MSH4: variants seen among roughly 807,000 people sequenced by gnomAD.
MSH4 encodes the protein mutS homolog 4.
In MSH4, 106 loss-of-function variants were observed where a neutral mutation model predicts 113.7. The ratio of observed to expected loss-of-function variants is 0.93; its 90% CI spans 0.80 to 1.10. MSH4 has a LOEUF of 1.10. MSH4 is among the 50% of genes least tolerant of loss of function. MSH4 has a pLI of 0.00. For synonymous variants in MSH4, 368 were observed against 380.2 expected (o/e 0.97, Z 0.37); for missense variants, 1,061 against 1,093.7 (o/e 0.97, Z 0.42).
chr1:75,797,364 A>T, intron 1 of MSH4, 135 bp downstream of exon 1: 5 of 1,246,316 alleles, frequency 4.0e-6, no homozygotes, highest in Non-Finnish European at 4.3e-6. Context: ...GTGCCCTGGG[A>T]ATTTGGTGAG....
At chr1:75,804,913 T>C (rs1384488932) in intron 2 of MSH4, among the ~76,000 whole-genome samples, 1 of 152,016 alleles carries the variant, frequency 6.6e-6, no homozygotes, top group African/African-American at 2.4e-5. Context: ...CTGTAACCTC[T>C]GCCTCCTGGA....
chr1:75,836,549 T>A (rs1408472505), intron 7 of MSH4, among the ~76,000 whole-genome samples: 2 of 152,144 alleles, frequency 1.3e-5, no homozygotes, highest in Non-Finnish European at 2.9e-5. Context: ...GGCACATAAA[T>A]CCTTGCCTCA....
intron 18 of MSH4, 28 bp downstream of exon 18, chr1:75,898,109 C>T (rs762583024): frequency 3.6e-6 from 5 of 1,381,150 alleles, no homozygotes; most frequent in South Asian, 1.7e-5. Context: ...TATACCTATA[C>T]ATTCAAATAC....
intron 18 of MSH4, 80 bp from the exon 19 acceptor site, chr1:75,899,538 A>G: frequency 1.4e-6 from 1 of 714,592 alleles, no homozygotes; most frequent in Non-Finnish European, 2.2e-6. Context: ...CTGTGACTAA[A>G]AGATTAATAC....
In MSH4 at chr1:75,816,399, C is replaced by T. The variant is rs766562265; in HGVS notation, c.842C>T (p.Ala281Val). The change falls in exon 6 of 20, where the codon GCT becomes GTT. Residue 281 changes from alanine to valine, a missense_variant. Coordinates refer to ENST00000263187, the MANE Select transcript of MSH4 (RefSeq NM_002440.4). The stretch of plus-strand genomic sequence containing the variant: ...TATTACTGCCTTGCAGCTGTTGCAG[C>T]TTTGTTAAAATATGTTGAATTTATT... ...SKYYCLAAVAALLKYVEFIQN... is the reference protein window; with the variant it reads ...SKYYCLAAVAVLLKYVEFIQN... 11 of 1,605,070 alleles carry T rather than the reference C, an allele frequency of 6.9e-6. No individual in the cohort carries two copies. The highest frequency in any genetic ancestry group is 5.1e-6 in the Non-Finnish European group (6 of 1,174,646).
At chr1:75,852,023 C>T (rs1570967375) in intron 8 of MSH4, among the ~76,000 whole-genome samples, 1 of 152,136 alleles carries the variant, frequency 6.6e-6, no homozygotes, top group Non-Finnish European at 1.5e-5. Flanking sequence ...CTAGCAATAA[C>T]TTCCCATTCC....
intron 6 of MSH4, among the ~76,000 whole-genome samples, chr1:75,820,209 G>T (rs535224181): frequency 6.6e-6 from 1 of 152,260 alleles, no homozygotes; most frequent in South Asian, 2.1e-4. Context: ...CTTTATATTA[G>T]TGTGAATATT....
At chr1:75,878,524 CCAA>C (rs1361165059) in intron 11 of MSH4, among the ~76,000 whole-genome samples, 3 of 152,138 alleles carry the variant, frequency 2.0e-5, no homozygotes, top group Non-Finnish European at 4.4e-5. Flanking sequence ...CCTTCCATTG[CCAA>C]GTGCAATAGC....
chr1:75,803,553 G>A (rs979083853), intron 1 of MSH4, among the ~76,000 whole-genome samples, 178 bp from the exon 2 acceptor site: 2 of 152,022 alleles, frequency 1.3e-5, no homozygotes, highest in African/African-American at 2.4e-5. Flanking sequence ...GGAGGTGGAC[G>A]TTGCAGTGAG....
At chr1:75,851,410 T>A (rs566796851) in intron 8 of MSH4, among the ~76,000 whole-genome samples, 2 of 152,248 alleles carry the variant, frequency 1.3e-5, no homozygotes, top group East Asian at 3.9e-4. Context: ...CATTTTTGTT[T>A]ATTTTTTATT....
intron 7 of MSH4, among the ~76,000 whole-genome samples, chr1:75,842,984 A>G (rs906785873): frequency 2.0e-5 from 3 of 152,224 alleles, no homozygotes; most frequent in Non-Finnish European, 2.9e-5. Flanking sequence ...CATCCTGTAC[A>G]CCTGGCTCTG....
Position 75,815,080 on chromosome 1 carries a change from C to T in MSH4, c.759C>T (p.Tyr253=), listed in dbSNP as rs767927137. The T allele has an allele frequency of 1.6e-5, 26 of 1,607,402 alleles. No homozygotes were observed. The Admixed American group carries it at 4.3e-4, about 26-fold the overall frequency. The part of the protein sequence containing the change: ...KYFNETKGLE[Y]IEQLCIAEFS... Reference sequence around the variant, plus strand: ...TCAATGAAACAAAAGGATTAGAGTACATTGAACAGTTATGCATAGCAGAAT... The same window carrying T: ...TCAATGAAACAAAAGGATTAGAGTATATTGAACAGTTATGCATAGCAGAAT... Residue 253 remains tyrosine, a synonymous_variant, in exon 5 of 20, where the codon TAC becomes TAT. Transcript: ENST00000263187.
At chr1:75,852,574 CT>C (rs1651212550) in intron 8 of MSH4, among the ~76,000 whole-genome samples, 1 of 152,148 alleles carries the variant, frequency 6.6e-6, no homozygotes, top group East Asian at 1.9e-4. Flanking sequence ...TCTGGTGAGC[CT>C]GTCGGGTGTC....
chr1:75,853,239 ATTT>A (rs1405146550), intron 8 of MSH4, among the ~76,000 whole-genome samples: 2 of 151,924 alleles, frequency 1.3e-5, no homozygotes, highest in Non-Finnish European at 2.9e-5. Context: ...TAATTTTTGT[ATTT>A]TTAGTAGAAA....
chr1:75,858,542 G>C (rs987273617), intron 8 of MSH4, among the ~76,000 whole-genome samples: 3 of 152,148 alleles, frequency 2.0e-5, no homozygotes, highest in Admixed American at 6.6e-5. Context: ...TTTGTCGTTG[G>C]TTCTGTTTTT....
chr1:75,832,832 C>G (rs1295711242), intron 7 of MSH4, among the ~76,000 whole-genome samples: 1 of 152,124 alleles, frequency 6.6e-6, no homozygotes. Context: ...CAATATCATA[C>G]TGAATGGGCA....
At chr1:75,881,560 T>C (rs1175446030) in intron 14 of MSH4, among the ~76,000 whole-genome samples, 190 bp downstream of exon 14, 1 of 152,034 alleles carries the variant, frequency 6.6e-6, no homozygotes, top group Non-Finnish European at 1.5e-5. Context: ...GTAAAAATTA[T>C]TCTCTCAGAA....
At chr1:75,819,150 C>G (rs2100517451) in intron 6 of MSH4, among the ~76,000 whole-genome samples, 1 of 151,866 alleles carries the variant, frequency 6.6e-6, no homozygotes, top group South Asian at 2.1e-4. Context: ...TGTTTATTTC[C>G]CCTCGCTCTT....
At chr1:75,885,880 T>C (rs1389423427) in intron 15 of MSH4, among the ~76,000 whole-genome samples, 2 of 128,660 alleles carry the variant, frequency 1.6e-5, no homozygotes, top group Admixed American at 9.1e-5. Flanking sequence ...TATTATATAG[T>C]ATATATTATA....
Sources: gnomAD v4.1 joint callset for allele counts (sites outside exome capture counted in the v4.1 genomes callset) on GRCh38, gnomAD v4.1.1 for gene constraint, MANE v1.5 for transcripts, NCBI Gene and HGNC (gene_info 2026-07-23, HGNC 2026-07-21) for gene names.